The following PCTP variants were observed in gnomAD, a reference collection of about 807,000 sequenced individuals.
PCTP encodes phosphatidylcholine transfer protein.
PCTP carries 27 observed loss-of-function variants against 31.0 expected under a neutral mutation model. That is an observed-to-expected ratio of 0.87 (90% CI 0.64 to 1.20). PCTP has a LOEUF of 1.20. Ranked by LOEUF, PCTP falls within the 50% of genes most tolerant of loss-of-function variation. PCTP has a pLI of 0.00. For synonymous variants in PCTP, 108 were observed against 101.2 expected, an observed-to-expected ratio of 1.07 and a Z score of -0.40; for missense variants, 287 against 268.2, an observed-to-expected ratio of 1.07 and a Z score of -0.49.
downstream of PCTP, among the ~76,000 whole-genome samples, chr17:55,777,781 T>C (rs746006055): frequency 7.2e-5 from 11 of 152,358 alleles, no homozygotes; most frequent in South Asian, 2.1e-4. Context: ...GATAGAATTA[T>C]ACAAGTAAGT....
At chr17:55,777,375 C>T (rs1911392860), downstream of PCTP, 1 of 982,952 alleles carries the variant, frequency 1.0e-6, no homozygotes, top group Non-Finnish European at 1.2e-6. Flanking sequence ...GTGGTTTTTA[C>T]TTGTCCTGTG....
At chr17:55,793,767 A>G (rs1394199373) in intron 3 of PCTP, among the ~76,000 whole-genome samples, 1 of 152,154 alleles carries the variant, frequency 6.6e-6, no homozygotes, top group Non-Finnish European at 1.5e-5. Context: ...AAGCACACAA[A>G]TAACCAATAT....
chr17:55,813,979 C>A (rs1912834407), intron 3 of PCTP, among the ~76,000 whole-genome samples: 1 of 151,656 alleles, frequency 6.6e-6, no homozygotes, highest in South Asian at 2.1e-4. Flanking sequence ...GAAGTCAAGG[C>A]TGCAGTTATG....
chr17:55,845,085 C>CAAAAAAAAAAAAAAAAAAAAAAAAAA (rs891404386), downstream of PCTP, among the ~76,000 whole-genome samples: 1 of 32,526 alleles, frequency 3.1e-5, no homozygotes, highest in Non-Finnish European at 5.7e-5. Context: ...AAAACTCCAT[C>CAAAAAAAAAAAAAAAAAAAAAAAAAA]AAAAAAAAAA....
At chr17:55,767,007 G>A (rs1361723913) in intron 1 of PCTP, among the ~76,000 whole-genome samples, 2 of 152,152 alleles carry the variant, frequency 1.3e-5, no homozygotes, top group Non-Finnish European at 2.9e-5. Flanking sequence ...TTTCTCTGAT[G>A]GCCAGTGATG....
At chr17:55,753,340 T>G (rs1362880922) in intron 1 of PCTP, among the ~76,000 whole-genome samples, 1 of 152,198 alleles carries the variant, frequency 6.6e-6, no homozygotes, top group Non-Finnish European at 1.5e-5. Context: ...ACCTTTTCAG[T>G]GGCCTATTGA....
At chr17:55,792,325 G>GA (rs57600964) in intron 3 of PCTP, among the ~76,000 whole-genome samples, 41 of 140,350 alleles carry the variant, frequency 2.9e-4, no homozygotes, top group African/African-American at 5.3e-4. Flanking sequence ...ATAAAAAAAA[G>GA]AAAAAAAAAA....
chr17:55,755,718 A>G (rs1197209019), intron 1 of PCTP, among the ~76,000 whole-genome samples: 1 of 151,946 alleles, frequency 6.6e-6, no homozygotes, highest in Non-Finnish European at 1.5e-5. Context: ...TGCCTACTCT[A>G]TTTCCTTCCT....
chr17:55,754,176 G>A lies in PCTP; in HGVS notation c.141+2932G>A, dbSNP rs147845530. ...CTACCTGGAAATAGTGTCAGATCCC[G>A]TAGGTTGAGGTCCCAGTCCCACAAG... is the stretch of plus-strand genomic sequence containing the variant. On this transcript the variant is annotated intron_variant, in intron 1 of 5. Coordinates refer to ENST00000268896, the MANE Select transcript of PCTP (RefSeq NM_021213.4). 1.7e-3 allele frequency among the ~76,000 whole-genome samples: 253 copies of A among 152,128 alleles called. 1 individual carries two copies. The highest frequency in any genetic ancestry group is 6.0e-3 in the African/African-American group (247 of 41,476).
chr17:55,753,930 G>A (rs1909852315), intron 1 of PCTP, among the ~76,000 whole-genome samples: 3 of 152,194 alleles, frequency 2.0e-5, no homozygotes. Flanking sequence ...CATGTGGGAT[G>A]GACCGTCTTA....
rs373126755 is a variant in PCTP at position 55,838,333 on chromosome 17, AG to A, written n.506-4392del. On this transcript the variant is annotated intron_variant and non_coding_transcript_variant, in intron 5 of 5. Transcript: ENST00000576221. ...CCAGCCACAGTGAAATCTGCAATAG[AG>A]GTTGTCCCTACTGTCCCCTCTGCCC... 5.3e-3 allele frequency among the ~76,000 whole-genome samples: 809 copies of A among 152,236 alleles called. 12 individuals carry two copies. Among genetic ancestry groups the A allele is most frequent in the African/African-American group, 0.018 (763 of 41,546 alleles).
At chr17:55,808,933 A>G (rs1158563018) in intron 3 of PCTP, among the ~76,000 whole-genome samples, 2 of 152,212 alleles carry the variant, frequency 1.3e-5, no homozygotes, top group African/African-American at 4.8e-5. Flanking sequence ...CGTATTGGCC[A>G]GCTACTCTAA....
downstream of PCTP, among the ~76,000 whole-genome samples, chr17:55,823,497 CCT>C (rs1905299887): frequency 6.6e-6 from 1 of 152,152 alleles, no homozygotes; most frequent in Non-Finnish European, 1.5e-5. Context: ...CTTTCTTCTC[CCT>C]GTCTTCTCAT....
Position 55,776,337 on chromosome 17 carries a change from C to A in PCTP, c.*237C>A, listed in dbSNP as rs533587297. ...CGTCTGCTTCCTTTCTCGCTCCCCC[C>A]ATCCTGGGCTGGGCTGCCTTCTTCT... is the stretch of plus-strand genomic sequence containing the variant. On this transcript the variant is annotated 3_prime_UTR_variant, in exon 6 of 6. Coordinates refer to ENST00000268896, the MANE Select transcript of PCTP (RefSeq NM_021213.4). 5.9e-5 allele frequency: 80 copies of A among 1,357,078 alleles called. No homozygotes were observed. Among genetic ancestry groups the A allele is most frequent in the Non-Finnish European group, 7.4e-5 (78 of 1,059,080 alleles). 84.1% of individuals were successfully genotyped at this position (1,357,078 alleles called of 1,614,324 possible).
intron 1 of PCTP, among the ~76,000 whole-genome samples, chr17:55,753,132 A>G (rs922097136): frequency 6.6e-6 from 1 of 152,164 alleles, no homozygotes; most frequent in South Asian, 2.1e-4. Context: ...TGTTGATTCA[A>G]CTGCTCAGAC....
At chr17:55,833,797 T>C (rs1905685578) in intron 5 of PCTP, among the ~76,000 whole-genome samples, 1 of 152,212 alleles carries the variant, frequency 6.6e-6, no homozygotes, top group African/African-American at 2.4e-5. Flanking sequence ...CTGAAAGACC[T>C]TGCCTCCTGC....
intron 3 of PCTP, among the ~76,000 whole-genome samples, chr17:55,805,963 T>C (rs936115851): frequency 6.6e-6 from 1 of 151,682 alleles, no homozygotes; most frequent in African/African-American, 2.4e-5. Flanking sequence ...GTGAGAGTGA[T>C]ACATCCTAAA....
intron 3 of PCTP, among the ~76,000 whole-genome samples, chr17:55,819,771 C>T (rs560040173): frequency 6.6e-6 from 1 of 152,126 alleles, no homozygotes; most frequent in East Asian, 1.9e-4. Context: ...AAATAACTTG[C>T]TACAAATCTA....
chr17:55,759,960 TA>T (rs1294459839), intron 1 of PCTP, among the ~76,000 whole-genome samples: 1 of 152,268 alleles, frequency 6.6e-6, no homozygotes, highest in Non-Finnish European at 1.5e-5. Context: ...CAGAATACTT[TA>T]ACCTTGTAAA....
Sources: allele counts gnomAD v4.1 joint callset (sites outside exome capture counted in the v4.1 genomes callset), GRCh38; gene constraint gnomAD v4.1.1; transcripts MANE v1.5; gene names NCBI Gene and HGNC (gene_info 2026-07-23, HGNC 2026-07-21).